The following EPCIP variants were observed in gnomAD, a reference collection of about 807,000 sequenced individuals.
The protein encoded by EPCIP is exosomal polycystin 1 interacting protein, also known as exosomal polycystin-1-interacting protein.
At chr21:32,809,380 C>CTCTT in the EPCIP span, among the ~76,000 whole-genome samples, 6 of 140,058 alleles carry the variant, frequency 4.3e-5, no homozygotes, top group Non-Finnish European at 7.7e-5. Context: ...CTTTCTCTCT[C>CTCTT]TCTTTCTTTC....
the EPCIP span, among the ~76,000 whole-genome samples, chr21:32,812,120 C>G: frequency 6.6e-6 from 1 of 152,222 alleles, no homozygotes; most frequent in Non-Finnish European, 1.5e-5. Context: ...AAAGAATTCT[C>G]AGAGAGTGAG....
the EPCIP span, among the ~76,000 whole-genome samples, chr21:32,812,984 T>A: frequency 6.6e-6 from 1 of 152,194 alleles, no homozygotes; most frequent in Non-Finnish European, 1.5e-5. Context: ...TTAATGCTCA[T>A]CTTAGCTTAC....
the EPCIP span, chr21:32,797,780 TA>T: frequency 1.3e-5 from 2 of 151,904 alleles, no homozygotes; most frequent in Non-Finnish European, 2.9e-5. Flanking sequence ...TAAAAAAAAA[TA>T]AAAAAATAAA....
At chr21:32,800,815 A>C in the EPCIP span, among the ~76,000 whole-genome samples, 1 of 65,728 alleles carries the variant, frequency 1.5e-5, no homozygotes, top group Non-Finnish European at 3.9e-5. Flanking sequence ...AAAAAACAAA[A>C]AAAAAACCAA....
At chr21:32,794,288 C>T in the EPCIP span, 9 of 1,614,270 alleles carry the variant, frequency 5.6e-6, no homozygotes, top group Non-Finnish European at 7.6e-6. Context: ...GTCCGCAGAA[C>T]AGCTGCAGTT....
At chr21:32,804,773 G>T in the EPCIP span, among the ~76,000 whole-genome samples, 4 of 152,172 alleles carry the variant, frequency 2.6e-5, no homozygotes, top group Non-Finnish European at 4.4e-5. Context: ...TCTGAGGATT[G>T]TGAGGTCCTG....
the EPCIP span, among the ~76,000 whole-genome samples, chr21:32,809,284 CTTT>C: frequency 3.5e-3 from 374 of 107,612 alleles, 6 homozygotes; most frequent in African/African-American, 0.013. Flanking sequence ...TCCTTCCTTT[CTTT>C]CTTTCTTTCT....
chr21:32,802,953 C>T, the EPCIP span, among the ~76,000 whole-genome samples: 2 of 152,192 alleles, frequency 1.3e-5, no homozygotes, highest in African/African-American at 4.8e-5. Context: ...CCTGGGAACG[C>T]CACTCCCTGA....
the EPCIP span, chr21:32,807,515 G>A: frequency 1.3e-5 from 2 of 151,698 alleles, no homozygotes; most frequent in Non-Finnish European, 2.9e-5. Context: ...AGTAGAGACG[G>A]GGTTCCTCCG....
At chr21:32,794,132 G>A in the EPCIP span, 15 of 1,614,122 alleles carry the variant, frequency 9.3e-6, no homozygotes, top group African/African-American at 4.0e-5. Flanking sequence ...TTGGACCAGC[G>A]TGAAGTTCAG....
the EPCIP span, among the ~76,000 whole-genome samples, chr21:32,809,563 C>A: frequency 1.3e-5 from 2 of 151,780 alleles, no homozygotes; most frequent in South Asian, 4.2e-4. Context: ...GAGACACAGA[C>A]TCACTGTAGT....
At chr21:32,808,870 A>G in the EPCIP span, among the ~76,000 whole-genome samples, 1 of 152,192 alleles carries the variant, frequency 6.6e-6, no homozygotes, top group Non-Finnish European at 1.5e-5. Context: ...TTTTATTTAA[A>G]AAGAGTGAAT....
At chr21:32,795,637 A>T in the EPCIP span, among the ~76,000 whole-genome samples, 1 of 152,318 alleles carries the variant, frequency 6.6e-6, no homozygotes, top group South Asian at 2.1e-4. Context: ...GGAGCCACAG[A>T]TGGAAGGGTC....
chr21:32,801,226 T>C, the EPCIP span, among the ~76,000 whole-genome samples: 3 of 152,194 alleles, frequency 2.0e-5, no homozygotes, highest in Non-Finnish European at 4.4e-5. Context: ...AGATCTCAAT[T>C]ACTCTAAGCC....
the EPCIP span, among the ~76,000 whole-genome samples, chr21:32,805,978 A>G: frequency 1.3e-5 from 2 of 152,106 alleles, no homozygotes; most frequent in Non-Finnish European, 2.9e-5. Context: ...AATTGCATAC[A>G]TGGAATTGTT....
At chr21:32,794,964 G>T in the EPCIP span, among the ~76,000 whole-genome samples, 1 of 152,128 alleles carries the variant, frequency 6.6e-6, no homozygotes, top group Non-Finnish European at 1.5e-5. Flanking sequence ...TTCTTTGTTG[G>T]ATTCAGCTAT....
the EPCIP span, among the ~76,000 whole-genome samples, chr21:32,793,041 C>A: frequency 5.9e-5 from 9 of 152,022 alleles, no homozygotes; most frequent in South Asian, 2.1e-4. Context: ...CTCACTGCAA[C>A]CTCCGCCTCC....
the EPCIP span, among the ~76,000 whole-genome samples, chr21:32,801,313 T>C: frequency 6.6e-6 from 1 of 152,204 alleles, no homozygotes; most frequent in African/African-American, 2.4e-5. Context: ...CTAATATTGC[T>C]TTGCAACTTA....
chr21:32,805,757 C>G, the EPCIP span, among the ~76,000 whole-genome samples: 10 of 152,148 alleles, frequency 6.6e-5, no homozygotes, highest in African/African-American at 2.4e-4. Flanking sequence ...TGGACCAAAC[C>G]AGCCCTTCTG....
Sources: gnomAD v4.1 joint callset for allele counts (sites outside exome capture counted in the v4.1 genomes callset) on GRCh38, gnomAD v4.1.1 for gene constraint, MANE v1.5 for transcripts, NCBI Gene and HGNC (gene_info 2026-07-23, HGNC 2026-07-21) for gene names.